Variants in GPC6 observed in about 807,000 individuals in gnomAD.
GPC6 encodes glypican-6.
Under a neutral mutation model 55.2 loss-of-function variants are expected in GPC6, and 14 were observed. The observed-to-expected ratio is 0.25, with a 90% CI of 0.17 to 0.40. The LOEUF is 0.40. Among genes scored for constraint, GPC6 ranks in the 10% least tolerant of loss-of-function variants. GPC6 has a pLI of 1.00. For synonymous variants in GPC6, 278 were observed against 259.6 expected (o/e 1.07, Z -0.68); for missense variants, 641 against 708.5 (o/e 0.90, Z 1.08).
chr13:94,328,853 T>G (rs1315717480), intron 6 of GPC6, among the ~76,000 whole-genome samples: 1 of 152,142 alleles, frequency 6.6e-6, no homozygotes, highest in Admixed American at 6.5e-5. Context: ...TCACTGCCCA[T>G]CACCAAGCCT....
intron 2 of GPC6, among the ~76,000 whole-genome samples, chr13:93,696,277 T>G (rs1594379334): frequency 6.6e-6 from 1 of 152,116 alleles, no homozygotes; most frequent in Non-Finnish European, 1.5e-5. Context: ...TCCTCTCAAC[T>G]TCACAAACTT....
At chr13:94,359,878 A>G (rs1226159497) in intron 6 of GPC6, among the ~76,000 whole-genome samples, 1 of 152,252 alleles carries the variant, frequency 6.6e-6, no homozygotes, top group Admixed American at 6.5e-5. Flanking sequence ...ATTCCCAAGT[A>G]CAATGTAATA....
intron 2 of GPC6, among the ~76,000 whole-genome samples, chr13:93,728,390 T>A (rs915824724): frequency 2.7e-5 from 4 of 150,550 alleles, no homozygotes; most frequent in South Asian, 2.1e-4. Context: ...AAATGCTTTT[T>A]TTATTATTAT....
chr13:94,240,086 A>G (rs1371546714), intron 4 of GPC6, among the ~76,000 whole-genome samples: 1 of 152,086 alleles, frequency 6.6e-6, no homozygotes, highest in Non-Finnish European at 1.5e-5. Flanking sequence ...AGAGAGGCAT[A>G]TTTTTGTAAA....
chr13:94,163,506 C>A (rs553907764), intron 4 of GPC6, among the ~76,000 whole-genome samples: 2 of 152,208 alleles, frequency 1.3e-5, no homozygotes, highest in South Asian at 2.1e-4. Context: ...TAAAAATAAT[C>A]CCTTAGTCAA....
intron 1 of GPC6, among the ~76,000 whole-genome samples, chr13:93,473,349 T>A (rs547485982): frequency 1.1e-4 from 17 of 152,276 alleles, no homozygotes; most frequent in African/African-American, 4.1e-4. Flanking sequence ...AGGGGGATGA[T>A]GTGTCAGCAC....
intron 4 of GPC6, among the ~76,000 whole-genome samples, chr13:94,077,938 T>C (rs1351840704): frequency 6.6e-6 from 1 of 151,868 alleles, no homozygotes; most frequent in Non-Finnish European, 1.5e-5. Flanking sequence ...TATAGAACAT[T>C]CTACCCAACA....
chr13:94,236,625 T>G (rs1189932230), intron 4 of GPC6, among the ~76,000 whole-genome samples: 2 of 152,150 alleles, frequency 1.3e-5, no homozygotes, highest in Non-Finnish European at 2.9e-5. Context: ...AGGGAAAACT[T>G]TAAAATGAAA....
At chr13:93,338,044 C>T (rs926847372) in intron 1 of GPC6, among the ~76,000 whole-genome samples, 21 of 152,212 alleles carry the variant, frequency 1.4e-4, no homozygotes, top group East Asian at 1.9e-4. Flanking sequence ...GTTCATTTTT[C>T]GCTAAATTAA....
At chr13:93,766,379 A>G (rs1457333054) in intron 2 of GPC6, among the ~76,000 whole-genome samples, 1 of 152,182 alleles carries the variant, frequency 6.6e-6, no homozygotes, top group East Asian at 1.9e-4. Flanking sequence ...ATTGCATTAA[A>G]TTAAAAGATG....
intron 2 of GPC6, among the ~76,000 whole-genome samples, chr13:93,654,162 T>C (rs971603194): frequency 2.6e-5 from 4 of 152,200 alleles, no homozygotes; most frequent in Non-Finnish European, 5.9e-5. Flanking sequence ...TTGGCACTGA[T>C]GCACCATCAT....
At chr13:93,955,072 C>T (rs963803476) in intron 3 of GPC6, among the ~76,000 whole-genome samples, 1 of 152,080 alleles carries the variant, frequency 6.6e-6, no homozygotes, top group African/African-American at 2.4e-5. Context: ...GAGAAAGGCC[C>T]CTTCTGTGCC....
chr13:94,350,863 C>T (rs1878504863), intron 6 of GPC6, among the ~76,000 whole-genome samples: 1 of 152,094 alleles, frequency 6.6e-6, no homozygotes, highest in African/African-American at 2.4e-5. Flanking sequence ...TCTGATATCT[C>T]AGTAGAACAT....
chr13:93,255,601 T>A (rs1468022986), intron 1 of GPC6, among the ~76,000 whole-genome samples: 1 of 152,218 alleles, frequency 6.6e-6, no homozygotes, highest in Non-Finnish European at 1.5e-5. Flanking sequence ...TATAGAATAC[T>A]GAAGGTGCTG....
chr13:93,754,192 T>G (rs1369911043), intron 2 of GPC6, among the ~76,000 whole-genome samples: 1 of 152,188 alleles, frequency 6.6e-6, no homozygotes, highest in East Asian at 1.9e-4. Flanking sequence ...AAAGATAGTT[T>G]CTCCCCAGTT....
At chr13:93,629,783 T>G (rs1202804856) in intron 2 of GPC6, among the ~76,000 whole-genome samples, 4 of 152,180 alleles carry the variant, frequency 2.6e-5, no homozygotes, top group Non-Finnish European at 5.9e-5. Context: ...AATAAAACAA[T>G]AAACCACAAA....
chr13:93,860,682 A>C (rs749942355), intron 3 of GPC6, among the ~76,000 whole-genome samples: 1 of 151,640 alleles, frequency 6.6e-6, no homozygotes, highest in Non-Finnish European at 1.5e-5. Context: ...TCAAGGTGGA[A>C]GTGGGATAGG....
At chr13:93,866,317 C>T (rs898480857) in intron 3 of GPC6, among the ~76,000 whole-genome samples, 3 of 151,656 alleles carry the variant, frequency 2.0e-5, no homozygotes, top group African/African-American at 7.3e-5. Flanking sequence ...CATGAATTGA[C>T]ATGGATGAAT....
intron 4 of GPC6, among the ~76,000 whole-genome samples, chr13:94,093,642 T>A (rs1376853283): frequency 2.0e-5 from 3 of 152,110 alleles, no homozygotes; most frequent in African/African-American, 7.2e-5. Flanking sequence ...TATAAAAATG[T>A]CATTGGAGTT....
Sources: gnomAD v4.1 joint callset for allele counts (sites outside exome capture counted in the v4.1 genomes callset) on GRCh38, gnomAD v4.1.1 for gene constraint, MANE v1.5 for transcripts, NCBI Gene and HGNC (gene_info 2026-07-23, HGNC 2026-07-21) for gene names.